The following LRRC7 variants were observed in gnomAD, a reference collection of about 807,000 sequenced individuals.
LRRC7 encodes the protein leucine rich repeat containing 7, also known as leucine-rich repeat-containing protein 7.
A neutral mutation model predicts 175.7 loss-of-function variants in LRRC7; 23 were observed. That is an observed-to-expected ratio of 0.13 (90% confidence interval 0.09 to 0.19). LRRC7 has a LOEUF of 0.19. Among genes scored for constraint, LRRC7 ranks in the 10% least tolerant of loss-of-function variants. The pLI is 1.00. For missense variants in LRRC7, 1,354 were observed against 1,904.7 expected (o/e 0.71, Z 5.38); for synonymous variants, 685 against 680.9 (o/e 1.01, Z -0.09).
At chr1:69,867,243 G>T (rs1036611239) in intron 7 of LRRC7, among the ~76,000 whole-genome samples, 2 of 152,004 alleles carry the variant, frequency 1.3e-5, no homozygotes, top group Admixed American at 6.6e-5. Context: ...AGTTTTTATA[G>T]ATTCTTCTAT....
intron 1 of LRRC7, among the ~76,000 whole-genome samples, chr1:69,608,858 CTCTCTCTCTATA>C (rs1344459834): frequency 0.039 from 996 of 25,480 alleles, 1 homozygote; most frequent in Middle Eastern, 0.048. Flanking sequence ...CTCTCTCTCT[CTCTCTCTCTATA>C]TATATATATA....
intron 3 of LRRC7, among the ~76,000 whole-genome samples, chr1:69,785,852 C>T (rs1475415222): frequency 6.6e-6 from 1 of 152,060 alleles, no homozygotes; most frequent in African/African-American, 2.4e-5. Context: ...CCTCCACTAC[C>T]TCACTCATTT....
chr1:69,720,465 G>A (rs931478148), intron 2 of LRRC7, among the ~76,000 whole-genome samples: 3 of 151,480 alleles, frequency 2.0e-5, no homozygotes, highest in South Asian at 4.1e-4. Flanking sequence ...ATTTCTATTC[G>A]TGTTTATATA....
intron 7 of LRRC7, among the ~76,000 whole-genome samples, chr1:69,877,797 T>C (rs1479069786): frequency 6.6e-6 from 1 of 152,174 alleles, no homozygotes; most frequent in Non-Finnish European, 1.5e-5. Flanking sequence ...TCCTTTCACT[T>C]AGCATAACAC....
intron 25 of LRRC7, among the ~76,000 whole-genome samples, chr1:70,100,261 T>C (rs903465838): frequency 5.3e-5 from 8 of 152,146 alleles, no homozygotes; most frequent in Non-Finnish European, 8.8e-5. Context: ...CTAGTATTTA[T>C]ATATCATTTC....
intron 2 of LRRC7, among the ~76,000 whole-genome samples, chr1:69,707,241 C>G (rs565638264): frequency 7.9e-5 from 12 of 152,108 alleles, no homozygotes; most frequent in African/African-American, 2.9e-4. Flanking sequence ...AACAGTCTTT[C>G]GGCTTGTGTT....
At chr1:69,628,907 GAT>G (rs2100362985) in intron 1 of LRRC7, among the ~76,000 whole-genome samples, 1 of 152,190 alleles carries the variant, frequency 6.6e-6, no homozygotes, top group South Asian at 2.1e-4. Context: ...AGAACAACTG[GAT>G]ATATATGGGC....
intron 1 of LRRC7, among the ~76,000 whole-genome samples, chr1:69,593,812 G>A (rs1011403561): frequency 1.3e-5 from 2 of 152,100 alleles, no homozygotes; most frequent in Admixed American, 6.5e-5. Context: ...AGGTAAACCC[G>A]ATCTGAGTCT....
chr1:70,089,792 A>C lies in LRRC7; in HGVS notation c.4518A>C (p.Gln1506His). ...GTATCAGTGGTGGAATTAGTGGACA[A>C]GGAAATCCATTCAAACCTTCTGACA... is the stretch of plus-strand genomic sequence containing the variant. ...GFSISGGISG[Q>H]GNPFKPSDKG... Residue 1506 changes from glutamine (Q) to histidine (H), a missense_variant, in exon 25 of 27, where the codon CAA becomes CAC. Physicochemically the swap from Gln to His is conservative, Grantham distance 24. Coordinates refer to ENST00000651989, the MANE Select transcript of LRRC7 (RefSeq NM_001370785.2). The C allele has an allele frequency of 6.2e-7, 1 of 1,609,314 alleles. No individual in the cohort carries two copies. The highest frequency in any genetic ancestry group is 8.5e-7 in the Non-Finnish European group (1 of 1,176,802).
chr1:69,931,470 A>C (rs1474615425), intron 7 of LRRC7, 37 bp from the exon 8 acceptor site: 1 of 1,550,038 alleles, frequency 6.5e-7, no homozygotes, highest in Non-Finnish European at 8.9e-7. Flanking sequence ...TGTATCATGC[A>C]CTACCTCACA....
At chr1:69,606,981 T>C (rs1310658814) in intron 1 of LRRC7, 5 of 152,164 alleles carry the variant, frequency 3.3e-5, no homozygotes. Context: ...ATGCTGGGCT[T>C]CATTATTTTT....
At chr1:69,959,825 TG>T (rs1158958783) in intron 8 of LRRC7, among the ~76,000 whole-genome samples, 1 of 152,088 alleles carries the variant, frequency 6.6e-6, no homozygotes, top group Non-Finnish European at 1.5e-5. Flanking sequence ...CCTTGTATCC[TG>T]GGGATGAAGG....
rs751107645 is a variant in LRRC7, at chr1:70,076,134, G to A, written c.4288G>A (p.Glu1430Lys). 2 of 1,614,044 alleles carry A rather than the reference G, an allele frequency of 1.2e-6. No homozygotes were observed. Among genetic ancestry groups the A allele is most frequent in the Non-Finnish European group, 8.5e-7 (1 of 1,179,978 alleles). Residue 1430 changes from glutamate to lysine, a missense_variant, in exon 24 of 27, where the codon GAG (glutamate) becomes AAG (lysine). Physicochemically the swap from Glu to Lys is moderately conservative, Grantham distance 56. Coordinates refer to ENST00000651989, the MANE Select transcript of LRRC7 (RefSeq NM_001370785.2). Reference sequence around the variant, plus strand: ...CCAAAGCCTTCAGCATCGCAGCCGGGAGCAGCAGCCGTATGAAGGAAATAT... The same window carrying A: ...CCAAAGCCTTCAGCATCGCAGCCGGAAGCAGCAGCCGTATGAAGGAAATAT... Reference protein sequence around the residue: ...GSQSLQHRSREQQPYEGNINK... With the variant: ...GSQSLQHRSRKQQPYEGNINK...
chr1:69,967,688 A>T (rs1446862934), intron 8 of LRRC7, among the ~76,000 whole-genome samples: 1 of 152,166 alleles, frequency 6.6e-6, no homozygotes, highest in African/African-American at 2.4e-5. Flanking sequence ...GGGTGGCTAG[A>T]TCCAGAAGAG....
In LRRC7 at chr1:70,126,136, C is replaced by T. The variant is rs369446891; in HGVS notation, c.*4249C>T. ...ACCGATCAAATATGTCTGATGAATA[C>T]ATTCTCATCAAGAGGCAAGAATACA... On this transcript the variant is annotated 3_prime_UTR_variant, in exon 27 of 27. Transcript: ENST00000651989. 7.9e-5 allele frequency among the ~76,000 whole-genome samples: 12 copies of T among 152,186 alleles called. No homozygotes were observed. The South Asian group carries it at 1.2e-3, about 16-fold the overall frequency.
chr1:69,764,071 A>G (rs1175442986), intron 3 of LRRC7, among the ~76,000 whole-genome samples: 1 of 152,014 alleles, frequency 6.6e-6, no homozygotes, highest in Non-Finnish European at 1.5e-5. Context: ...ACAATAATAG[A>G]TATGAAAGAA....
At chr1:70,111,609 A>T (rs1420391670) in intron 26 of LRRC7, among the ~76,000 whole-genome samples, 2 of 152,298 alleles carry the variant, frequency 1.3e-5, no homozygotes, top group East Asian at 1.9e-4. Flanking sequence ...AATTCAGTCT[A>T]ATTCATTATA....
intron 7 of LRRC7, among the ~76,000 whole-genome samples, chr1:69,911,552 C>T (rs1020078102): frequency 3.9e-5 from 6 of 152,118 alleles, no homozygotes; most frequent in Non-Finnish European, 5.9e-5. Flanking sequence ...TGCTTCCTCC[C>T]TCTTAAATCA....
intron 7 of LRRC7, among the ~76,000 whole-genome samples, chr1:69,918,220 T>A (rs183413295): frequency 6.6e-6 from 1 of 152,240 alleles, no homozygotes; most frequent in East Asian, 1.9e-4. Flanking sequence ...GCCCCCTATG[T>A]CAAAGAATTA....
Sources: gnomAD v4.1 joint callset for allele counts (sites outside exome capture counted in the v4.1 genomes callset) on GRCh38, gnomAD v4.1.1 for gene constraint, MANE v1.5 for transcripts, NCBI Gene and HGNC (gene_info 2026-07-23, HGNC 2026-07-21) for gene names.